Variants in IGF2R observed in about 807,000 individuals in gnomAD.
IGF2R encodes the protein cation-independent mannose-6-phosphate receptor.
Under a neutral mutation model 270.6 loss-of-function variants are expected in IGF2R, and 91 were observed. The ratio of observed to expected loss-of-function variants is 0.34; its 90% CI spans 0.28 to 0.40. The LOEUF (loss-of-function observed/expected upper bound fraction) is 0.40. IGF2R is among the 10% of genes least tolerant of loss of function. The pLI is 1.00. For missense variants in IGF2R, 2,805 were observed against 3,188.3 expected, an observed-to-expected ratio of 0.88 and a Z score of 2.90; for synonymous variants, 1,316 against 1,258.9, an observed-to-expected ratio of 1.05 and a Z score of -0.96.
chr6:160,010,672 A>ATTTTTTTT lies in IGF2R; in HGVS notation c.415-13_415-6dup. On this transcript the variant is annotated splice_polypyrimidine_tract_variant and intron_variant, in intron 3 of 47. Transcript: ENST00000356956. ...GTGGTATGGTAACATTATAATTACT[A>ATTTTTTTT]TTTTTTTTTAATAGGGAACTCCTGA... The ATTTTTTTT allele has an allele frequency of 7.1e-7, 1 of 1,415,774 alleles. No individual in the cohort carries two copies. The highest frequency in any genetic ancestry group is 1.7e-5 in the Admixed American group (1 of 58,658). 87.7% of individuals were successfully genotyped at this position (1,415,774 alleles called of 1,614,324 possible).
chr6:160,101,425 G>T lies in IGF2R; in HGVS notation c.6843-1094G>T, dbSNP rs1779482184. On this transcript the variant is annotated intron_variant, in intron 45 of 47. Transcript: ENST00000356956. Reference sequence around the variant, plus strand: ...TCTTTCTGAGCAGAGGTCAACCCTTGCAGGCCCACCTAGAACTGGACGCCA... The same window carrying T: ...TCTTTCTGAGCAGAGGTCAACCCTTTCAGGCCCACCTAGAACTGGACGCCA... Among the ~76,000 whole-genome samples, 10 of 152,298 alleles carry T rather than the reference G, an allele frequency of 6.6e-5. No homozygotes were observed. In the South Asian group the frequency reaches 2.1e-3, roughly 32 times the overall value.
At chr6:160,078,116 A>C (rs1778893428) in intron 36 of IGF2R, 85 bp from the exon 37 acceptor site, 1 of 1,391,024 alleles carries the variant, frequency 7.2e-7, no homozygotes. Context: ...TGGGTTATGC[A>C]CAGCCCCTGT....
chr6:160,031,981 G>T (rs55718229), intron 7 of IGF2R, among the ~76,000 whole-genome samples: 2,631 of 152,292 alleles, frequency 0.017, 78 homozygotes, highest in African/African-American at 0.06. Flanking sequence ...GGCAGAATCG[G>T]GTTTGTGTCT....
chr6:160,082,810 C>T lies in IGF2R; in HGVS notation c.5834-1140C>T, dbSNP rs192343135. On this transcript the variant is annotated intron_variant, in intron 39 of 47. Transcript: ENST00000356956. Reference sequence around the variant, plus strand: ...CAGCACGTGGTGTGTTGCCAGATGGCGGATGGAGTCTGCAGGTGCTCCTGA... The same window carrying T: ...CAGCACGTGGTGTGTTGCCAGATGGTGGATGGAGTCTGCAGGTGCTCCTGA... 3.5e-4 allele frequency among the ~76,000 whole-genome samples: 54 copies of T among 152,276 alleles called. 1 individual carries two copies. The highest frequency in any genetic ancestry group is 1.3e-4 in the Non-Finnish European group (9 of 68,020).
intron 44 of IGF2R, chr6:160,093,284 C>T (rs1171778330): frequency 1.4e-5 from 3 of 220,036 alleles, no homozygotes; most frequent in Admixed American, 1.0e-4. Flanking sequence ...CACTCAGGTA[C>T]TGCATGGCCA....
chr6:160,071,584 G>A (rs1447982964), intron 31 of IGF2R, among the ~76,000 whole-genome samples: 1 of 152,102 alleles, frequency 6.6e-6, no homozygotes, highest in Non-Finnish European at 1.5e-5. Context: ...ACACATTTGT[G>A]TCTCCCTGTA....
At chr6:160,043,000 C>A in intron 11 of IGF2R, 148 bp from the exon 12 acceptor site, 1 of 756,250 alleles carries the variant, frequency 1.3e-6, no homozygotes, top group Non-Finnish European at 2.1e-6. Context: ...TTTCAGTCTG[C>A]CCGGGTTCCA....
chr6:160,044,369 G>A, intron 12 of IGF2R, 145 bp from the exon 13 acceptor site: 1 of 749,918 alleles, frequency 1.3e-6, no homozygotes, highest in Non-Finnish European at 2.2e-6. Flanking sequence ...TGGGTTCAGG[G>A]GGCTGGAGAA....
Position 160,102,786 on chromosome 6 carries a change from G to T in IGF2R, c.6995+115G>T, listed in dbSNP as rs776867037. On this transcript the variant is annotated intron_variant, in intron 46 of 47. Transcript: ENST00000356956. The surrounding 1 kb of genome is among the most constrained non-coding windows in gnomAD (Gnocchi z 4.5). ...GTTTTTAAGCCCTACAGCAGCGAAG[G>T]CTCGAGGTTCTTAGTCCAAAACTCT... 9.8e-5 allele frequency: 121 copies of T among 1,233,922 alleles called. No homozygotes were observed. Among genetic ancestry groups the T allele is most frequent in the Middle Eastern group, 2.3e-4 (1 of 4,324 alleles). 76.4% of individuals were successfully genotyped at this position (1,233,922 alleles called of 1,614,324 possible).
chr6:160,064,658 TTACAGAAAATATGTTGAAACTTTCATC>T, intron 28 of IGF2R, 119 bp from the exon 29 acceptor site: 1 of 1,185,258 alleles, frequency 8.4e-7, no homozygotes, highest in Admixed American at 2.0e-5. Context: ...AAATAACCAT[TTACAGAAAATATGTTGAAACTTTCATC>T]AGTTAGTATT....
At chr6:160,030,185 T>C (rs561834727) in intron 7 of IGF2R, among the ~76,000 whole-genome samples, 11 of 152,246 alleles carry the variant, frequency 7.2e-5, no homozygotes, top group African/African-American at 2.6e-4. Context: ...ACTCTTCGAG[T>C]GTGGCTGCTG....
chr6:160,078,203 A>G lies in IGF2R; in HGVS notation c.5319A>G (p.Gly1773=). ...AFHCKRGVSM[G]TPKLLRTSEC... is the part of the protein sequence containing the mutation. ...ACCCGTGCTCTTCCTGGCAACAGGG[A>G]ACGCCTAAGCTGTTAAGGACCAGCG... Residue 1773 remains glycine (G), a splice_region_variant and synonymous_variant, in exon 37 of 48, where the codon GGA becomes GGG. Transcript: ENST00000356956. 2 of 1,614,014 alleles carry G rather than the reference A, an allele frequency of 1.2e-6. No individual in the cohort carries two copies. The highest frequency in any genetic ancestry group is 1.7e-6 in the Non-Finnish European group (2 of 1,179,886).
At chr6:160,065,766 T>C (rs1474986438) in intron 29 of IGF2R, among the ~76,000 whole-genome samples, 2 of 144,976 alleles carry the variant, frequency 1.4e-5, no homozygotes, top group Non-Finnish European at 3.0e-5. Context: ...AAAGCATTTT[T>C]CCTAGAGATA....
In IGF2R at chr6:160,001,259, C is replaced by T. The variant is rs1039422826; in HGVS notation, c.290-7751C>T. ...TGGCAGCAGTAGATGCTTATAGGAG[C>T]GCGAACCCTATTGTGAACTGCACAT... is the stretch of plus-strand genomic sequence containing the variant. On this transcript the variant is annotated intron_variant, in intron 2 of 47. Transcript: ENST00000356956. Among the ~76,000 whole-genome samples the T allele has an allele frequency of 9.2e-5, 14 of 151,926 alleles. 1 individual carries two copies. The East Asian group carries it at 1.5e-3, about 17-fold the overall frequency.
At chr6:160,072,655 A>G in intron 32 of IGF2R, 110 bp from the exon 33 acceptor site, 3 of 1,178,898 alleles carry the variant, frequency 2.5e-6, no homozygotes, top group Non-Finnish European at 3.8e-6. Context: ...CGTGGTGAGA[A>G]GTCAGAAGTC....
rs186712647 is a variant in IGF2R at position 160,060,749 on chromosome 6, C to T, written c.3262+32C>T. The T allele has an allele frequency of 2.3e-4, 368 of 1,609,386 alleles. 5 individuals carry two copies. In the Middle Eastern group the frequency reaches 0.011, roughly 49 times the overall value. On this transcript the variant is annotated intron_variant, in intron 23 of 47. Transcript: ENST00000356956. ...CCGTGCGGCCTAAGAACTGAGAGGC[C>T]GGTCAAGAGTCAGTGTGTGTGTGAG...
intron 19 of IGF2R, among the ~76,000 whole-genome samples, chr6:160,055,979 C>T (rs930271364): frequency 6.6e-6 from 1 of 152,136 alleles, no homozygotes; most frequent in African/African-American, 2.4e-5. Context: ...CCCTAGGAGC[C>T]CTCCTGTGCC....
chr6:160,022,012 GAA>G (rs1491336837), intron 4 of IGF2R, among the ~76,000 whole-genome samples: 1 of 89,362 alleles, frequency 1.1e-5, no homozygotes, highest in African/African-American at 4.5e-5. Context: ...ACTAGGTAAA[GAA>G]CACACACACA....
In IGF2R at chr6:160,032,582, A is replaced by G. The variant is rs74483248; in HGVS notation, c.914A>G (p.Asn305Ser). The G allele has an allele frequency of 1.2e-5, 20 of 1,613,962 alleles. No homozygotes were observed. In the Middle Eastern group the frequency reaches 9.9e-4, roughly 80 times the overall value. Residue 305 changes from asparagine (N) to serine (S), a missense_variant, in exon 8 of 48, where the codon AAC (asparagine) becomes AGC (serine). Around this residue, in one of 2 missense-constraint regions of IGF2R, gnomAD observed 954 missense variants for 981.1 expected, o/e 0.97. Transcript: ENST00000356956. ...GTIPKLTAKS[N>S]CRYEIEWITE... The stretch of plus-strand genomic sequence containing the variant: ...ATTCCCAAACTCACAGCTAAATCCA[A>G]CTGCCGCTATGAAATTGAGTGGATT...
Sources: gnomAD v4.1 joint callset for allele counts (sites outside exome capture counted in the v4.1 genomes callset) on GRCh38, gnomAD v4.1.1 for gene constraint, gnomAD v4.1.1 regional missense constraint, Gnocchi (gnomAD v3.1) non-coding constraint, MANE v1.5 for transcripts, NCBI Gene and HGNC (gene_info 2026-07-23, HGNC 2026-07-21) for gene names.